PIK3C2G: variants seen among roughly 807,000 people sequenced by gnomAD.
PIK3C2G encodes phosphatidylinositol 3-kinase C2 domain-containing subunit gamma.
In PIK3C2G, 168 loss-of-function variants were observed where a neutral mutation model predicts 181.1. That is an observed-to-expected ratio of 0.93 (90% CI 0.82 to 1.05). PIK3C2G has a LOEUF of 1.05. Among genes scored for constraint, PIK3C2G ranks in the 50% least tolerant of loss-of-function variants. The pLI, the probability that PIK3C2G is intolerant of heterozygous loss-of-function variation, is 0.00. For missense variants in PIK3C2G, 1,869 were observed against 1,732.8 expected, an observed-to-expected ratio of 1.08 and a Z score of -1.40; for synonymous variants, 573 against 592.2, an observed-to-expected ratio of 0.97 and a Z score of 0.47.
the PIK3C2G span, among the ~76,000 whole-genome samples, chr12:18,686,644 G>A: frequency 6.6e-6 from 1 of 151,920 alleles, no homozygotes; most frequent in Non-Finnish European, 1.5e-5. Context: ...ATCTCCAAAA[G>A]TGCCCCCTTG....
intron 30 of PIK3C2G, chr12:18,607,291 G>A (rs777906744): frequency 4.1e-5 from 17 of 410,982 alleles, no homozygotes; most frequent in Non-Finnish European, 6.7e-5. Context: ...CTAAACATAC[G>A]AATGAAAGTA....
Position 18,448,018 on chromosome 12 carries a change from T to C in PIK3C2G, c.2504+23979T>C, listed in dbSNP as rs61335808. On this transcript the variant is annotated intron_variant, in intron 18 of 32. Transcript: ENST00000538779. ...GCAATGAAGCTAAGGAAATCAAATA[T>C]TGGAATGAGACCTCAGTAGTGTAAA... 3.4e-3 allele frequency among the ~76,000 whole-genome samples: 521 copies of C among 152,222 alleles called. 3 individuals are homozygous for C. The highest frequency in any genetic ancestry group is 0.012 in the African/African-American group (509 of 41,546).
At position 18,620,568 on chromosome 12, in the gene PIK3C2G, A is replaced by AGATAGATG. The variant is rs201479764; in HGVS notation, c.4182+10940_4182+10941insATAGATGG. Among the ~76,000 whole-genome samples the AGATAGATG allele has an allele frequency of 3.4e-3, 519 of 151,440 alleles. 4 individuals are homozygous for AGATAGATG. The highest frequency in any genetic ancestry group is 0.012 in the African/African-American group (485 of 40,904). ...TAGATAGATAGATAGATAGATAGAT[A>AGATAGATG]GGTAACCATACTGTAGGGTGCAGCT... On this transcript the variant is annotated intron_variant, in intron 31 of 32. Coordinates refer to ENST00000538779, the MANE Select transcript of PIK3C2G (RefSeq NM_001288772.2).
rs1467592807 is a variant in PIK3C2G at position 18,538,272 on chromosome 12, T to C, written c.3440T>C (p.Ile1147Thr). The C allele has an allele frequency of 3.1e-6, 5 of 1,611,758 alleles. No individual in the cohort carries two copies. The Admixed American group carries it at 5.0e-5, about 16-fold the overall frequency. ...VELCCRAYNI[I>T]RKHSQLLLNL... ...CTTTGCTGTCGTGCTTATAATATTA[T>C]CAGAAAGCACAGCCAACTGCTCTTG... The change falls in exon 25 of 33, where the codon ATC becomes ACC. Residue 1147 changes from isoleucine to threonine, a missense_variant. Transcript: ENST00000538779.
At chr12:18,580,877 T>C (rs1946463618) in intron 29 of PIK3C2G, among the ~76,000 whole-genome samples, 1 of 152,212 alleles carries the variant, frequency 6.6e-6, no homozygotes, top group African/African-American at 2.4e-5. Context: ...TAGCTTATTG[T>C]TTTAACTCAC....
chr12:18,292,681 T>A (rs1353917135), intron 4 of PIK3C2G, among the ~76,000 whole-genome samples: 1 of 152,202 alleles, frequency 6.6e-6, no homozygotes, highest in Non-Finnish European at 1.5e-5. Flanking sequence ...CAAATGACTT[T>A]ACCCTATAGC....
At chr12:18,633,667 C>T (rs1384206708) in intron 31 of PIK3C2G, among the ~76,000 whole-genome samples, 5 of 152,152 alleles carry the variant, frequency 3.3e-5, no homozygotes, top group African/African-American at 1.2e-4. Flanking sequence ...GTGCAGTAGT[C>T]GTCCAATTTG....
chr12:18,665,845 G>A, the PIK3C2G span, among the ~76,000 whole-genome samples: 1 of 151,012 alleles, frequency 6.6e-6, no homozygotes, highest in Non-Finnish European at 1.5e-5. Flanking sequence ...TGAGGCAGGG[G>A]AATCACTTGA....
At chr12:18,624,958 TTTTG>T (rs779679211) in intron 31 of PIK3C2G, among the ~76,000 whole-genome samples, 4 of 151,678 alleles carry the variant, frequency 2.6e-5, no homozygotes, top group African/African-American at 4.8e-5. Context: ...GGTTTGTTGA[TTTTG>T]TTTATCTTTT....
At chr12:18,630,348 T>C (rs1949297680) in intron 31 of PIK3C2G, among the ~76,000 whole-genome samples, 1 of 152,054 alleles carries the variant, frequency 6.6e-6, no homozygotes, top group Non-Finnish European at 1.5e-5. Flanking sequence ...GCCGAGATCA[T>C]GCCACTGCAC....
In PIK3C2G at chr12:18,488,491, G is replaced by A. The variant is rs1375260257; in HGVS notation, c.2547G>A (p.Trp849Ter). 1.9e-6 allele frequency: 3 copies of A among 1,543,052 alleles called. No homozygotes were observed. The highest frequency in any genetic ancestry group is 2.6e-6 in the Non-Finnish European group (3 of 1,146,656). The change falls in exon 19 of 33, where the codon TGG becomes TGA. Residue 849 changes from tryptophan to a stop codon, truncating the protein, a stop_gained. Coordinates refer to ENST00000538779, the MANE Select transcript of PIK3C2G (RefSeq NM_001288772.2). LOFTEE classifies it high-confidence loss of function. ...NAENEAYFKS[W>*]YQKLLAALQF... ...AAAATGAAGCTTATTTTAAAAGCTG[G>A]TATCAGAAGCTACTAGCTGCTCTCC...
chr12:18,250,014 C>A (rs1948080146), intron 1 of PIK3C2G, among the ~76,000 whole-genome samples: 1 of 151,854 alleles, frequency 6.6e-6, no homozygotes, highest in Non-Finnish European at 1.5e-5. Flanking sequence ...GTACACAGAT[C>A]TTAACTCTAA....
chr12:18,450,092 G>A (rs12049934), intron 18 of PIK3C2G, among the ~76,000 whole-genome samples: 2 of 151,958 alleles, frequency 1.3e-5, no homozygotes, highest in East Asian at 3.9e-4. Context: ...AGAAGTGTCT[G>A]TTCATATCCT....
chr12:18,320,473 T>G (rs1951059629), intron 6 of PIK3C2G, among the ~76,000 whole-genome samples: 1 of 152,230 alleles, frequency 6.6e-6, no homozygotes, highest in Non-Finnish European at 1.5e-5. Flanking sequence ...TTAGCATAAT[T>G]TAGTGCTCAT....
At chr12:18,633,735 T>C (rs1001327830) in intron 31 of PIK3C2G, among the ~76,000 whole-genome samples, 5 of 152,180 alleles carry the variant, frequency 3.3e-5, no homozygotes, top group African/African-American at 1.2e-4. Context: ...TTTTGCCTGG[T>C]GGTTCAGAGG....
the PIK3C2G span, among the ~76,000 whole-genome samples, chr12:18,682,454 T>G: frequency 4.6e-3 from 698 of 152,146 alleles, 4 homozygotes; most frequent in African/African-American, 0.016. Flanking sequence ...ATATCAGTGG[T>G]TCCATATTGT....
intron 18 of PIK3C2G, among the ~76,000 whole-genome samples, chr12:18,483,146 G>A (rs1364876028): frequency 6.6e-6 from 1 of 152,114 alleles, no homozygotes; most frequent in Non-Finnish European, 1.5e-5. Context: ...AGCCACTTCA[G>A]TCCTCAAATA....
chr12:18,700,456 C>T, the PIK3C2G span, among the ~76,000 whole-genome samples: 1 of 131,336 alleles, frequency 7.6e-6, no homozygotes, highest in African/African-American at 2.7e-5. Context: ...TTTGCATTCC[C>T]CTAGCAACAG....
intron 18 of PIK3C2G, among the ~76,000 whole-genome samples, chr12:18,425,415 C>A (rs182891999): frequency 1.2e-3 from 82 of 70,506 alleles, no homozygotes; most frequent in African/African-American, 4.2e-3. Flanking sequence ...TTTTTTGAGT[C>A]GGAGTCTCAC....
Sources: gnomAD v4.1 joint callset for allele counts (sites outside exome capture counted in the v4.1 genomes callset) on GRCh38, gnomAD v4.1.1 for gene constraint, MANE v1.5 for transcripts, NCBI Gene and HGNC (gene_info 2026-07-23, HGNC 2026-07-21) for gene names.